HIP1: variants seen among roughly 807,000 people sequenced by gnomAD.
HIP1 encodes the protein huntingtin interacting protein 1, also known as huntingtin-interacting protein 1.
Under a neutral mutation model 147.6 loss-of-function variants are expected in HIP1, and 65 were observed. The ratio of observed to expected loss-of-function variants is 0.44; its 90% CI spans 0.36 to 0.54. The LOEUF (loss-of-function observed/expected upper bound fraction) is 0.54. Ranked by LOEUF, HIP1 falls within the 20% of genes least tolerant of loss-of-function variation. The probability of loss-of-function intolerance (pLI) is 0.00; values close to 1 mark genes in which losing one functional copy is unlikely to be tolerated. For missense variants in HIP1, 1,061 were observed against 1,299.6 expected (o/e 0.82, Z 2.82); for synonymous variants, 479 against 504.0 (o/e 0.95, Z 0.67).
At chr7:75,551,407 G>A (rs1794779336) in intron 22 of HIP1, among the ~76,000 whole-genome samples, 1 of 151,606 alleles carries the variant, frequency 6.6e-6, no homozygotes, top group South Asian at 2.1e-4. Flanking sequence ...TAGAGATGGA[G>A]TTTCACTATA....
chr7:75,566,832 T>C (rs1375722897), intron 9 of HIP1, among the ~76,000 whole-genome samples: 7 of 151,180 alleles, frequency 4.6e-5, no homozygotes, highest in Admixed American at 4.0e-4. Context: ...TAGAAAAGAA[T>C]GGGGAGGGGC....
rs1354431471 is a variant in HIP1, at chr7:75,738,677, G to T, written c.120+124C>A. 4 of 1,200,714 alleles carry T rather than the reference G, an allele frequency of 3.3e-6. No homozygotes were observed. In the East Asian group the frequency reaches 8.2e-5, roughly 24 times the overall value. 74.4% of individuals were successfully genotyped at this position (1,200,714 alleles called of 1,614,324 possible). A position where few individuals can be genotyped will look rare whatever the true frequency, so the allele number is the denominator to read the frequency against. ...CCCAGATCTGCACGTCAATGCCCCC[G>T]CTCACTACACCCTCGCCCCGTCTTC... On this transcript the variant is annotated intron_variant, in intron 1 of 30. Coordinates refer to ENST00000336926, the MANE Select transcript of HIP1 (RefSeq NM_005338.7).
chr7:75,604,174 A>T (rs1245188134), intron 1 of HIP1, among the ~76,000 whole-genome samples: 1 of 151,944 alleles, frequency 6.6e-6, no homozygotes, highest in Non-Finnish European at 1.5e-5. Context: ...CTGCAGACAG[A>T]CCCCTGGGCA....
rs144641513 is a variant in HIP1, at chr7:75,724,434, G to A, written c.120+14367C>T. 5.5e-4 allele frequency among the ~76,000 whole-genome samples: 83 copies of A among 151,728 alleles called. No homozygotes were observed. The East Asian group carries it at 0.016, about 28-fold the overall frequency. Reference sequence around the variant, plus strand: ...GGCTAATTTTTGTATTTTTAGTAGAGACAGAGTTTTGCCATGTTGGCCAGG... The same window carrying A: ...GGCTAATTTTTGTATTTTTAGTAGAAACAGAGTTTTGCCATGTTGGCCAGG... On this transcript the variant is annotated intron_variant, in intron 1 of 30. Transcript: ENST00000336926.
At chr7:75,636,953 C>T (rs1798446520) in intron 1 of HIP1, among the ~76,000 whole-genome samples, 1 of 152,168 alleles carries the variant, frequency 6.6e-6, no homozygotes, top group Non-Finnish European at 1.5e-5. Flanking sequence ...TCTGCCCATC[C>T]TCTTCCTGCG....
In HIP1 at chr7:75,537,038, G is replaced by C. The variant is rs1383823431; in HGVS notation, c.*1134C>G. 1 of 232,576 alleles carries C rather than the reference G, an allele frequency of 4.3e-6. No individual in the cohort carries two copies. The highest frequency in any genetic ancestry group is 6.1e-5 in the East Asian group (1 of 16,490). The allele number at this position is 232,576 out of a possible 1,614,324, so 14.4% of individuals were successfully genotyped here. A position where few individuals can be genotyped will look rare whatever the true frequency, so the allele number is the denominator to read the frequency against. ...CCAAGGCAGACGTCTGCAGAAAGGA[G>C]TTGGGAATCACTCCCACACTCCGTC... On this transcript the variant is annotated 3_prime_UTR_variant, in exon 31 of 31. Coordinates refer to ENST00000336926, the MANE Select transcript of HIP1 (RefSeq NM_005338.7).
At chr7:75,576,109 G>A (rs1795838222) in intron 7 of HIP1, among the ~76,000 whole-genome samples, 1 of 152,120 alleles carries the variant, frequency 6.6e-6, no homozygotes, top group Non-Finnish European at 1.5e-5. Context: ...ATGCCCTTTG[G>A]CATCCAGAAA....
At position 75,556,177 on chromosome 7, in the gene HIP1, G is replaced by T. The variant is rs1162716498; in HGVS notation, c.1684-8C>A. 1.9e-6 allele frequency: 3 copies of T among 1,613,540 alleles called. No homozygotes were observed. Among genetic ancestry groups the T allele is most frequent in the Non-Finnish European group, 2.5e-6 (3 of 1,179,882 alleles). ...TGCCCAGTTTGCTTCTGACTGCAAA[G>T]GTGACCACAAGGAAAGAGGGAGACG... On this transcript the variant is annotated splice_polypyrimidine_tract_variant and splice_region_variant and intron_variant, in intron 17 of 30. Coordinates refer to ENST00000336926, the MANE Select transcript of HIP1 (RefSeq NM_005338.7).
At chr7:75,555,981 G>T in intron 18 of HIP1, 45 bp downstream of exon 18, 1 of 1,607,320 alleles carries the variant, frequency 6.2e-7, no homozygotes, top group African/African-American at 1.3e-5. Flanking sequence ...GAGGCCCTCG[G>T]TGGGAATTCA....
At chr7:75,581,401 G>T in intron 6 of HIP1, 103 bp from the exon 7 acceptor site, 1 of 794,420 alleles carries the variant, frequency 1.3e-6, no homozygotes, top group Non-Finnish European at 2.1e-6. Flanking sequence ...CAATGCTCAT[G>T]TGCATGCGCA....
intron 6 of HIP1, 101 bp from the exon 7 acceptor site, chr7:75,581,399 A>C: frequency 3.7e-6 from 3 of 808,258 alleles, no homozygotes; most frequent in Non-Finnish European, 6.3e-6. Context: ...TCCAATGCTC[A>C]TGTGCATGCG....
rs782136797 is a variant in HIP1, at chr7:75,599,262, G to A, written c.121-15C>T. 1.0e-5 allele frequency: 16 copies of A among 1,599,316 alleles called. No individual in the cohort carries two copies. The highest frequency in any genetic ancestry group is 2.2e-5 in the South Asian group (2 of 90,770). On this transcript the variant is annotated splice_polypyrimidine_tract_variant and intron_variant, in intron 1 of 30. Coordinates refer to ENST00000336926, the MANE Select transcript of HIP1 (RefSeq NM_005338.7). ...ATGCTGACAGTCTGAAAAACAAGAA[G>A]GGGGGAGGGAAAGGAGGATGAGATG...
chr7:75,589,504 G>C (rs1796407680), intron 4 of HIP1, among the ~76,000 whole-genome samples: 2 of 151,568 alleles, frequency 1.3e-5, no homozygotes, highest in Non-Finnish European at 2.9e-5. Flanking sequence ...GGCCAACATG[G>C]CAAAACCGTG....
At chr7:75,573,135 G>T (rs1031488084) in intron 8 of HIP1, among the ~76,000 whole-genome samples, 4 of 152,208 alleles carry the variant, frequency 2.6e-5, no homozygotes, top group African/African-American at 9.6e-5. Context: ...CAATCGTGGT[G>T]CATTTCCTCC....
intron 11 of HIP1, 69 bp from the exon 12 acceptor site, chr7:75,562,239 G>A: frequency 1.0e-6 from 1 of 999,120 alleles, no homozygotes; most frequent in East Asian, 2.4e-5. Flanking sequence ...GGTCAGTTGA[G>A]TGATATGGGA....
chr7:75,564,723 T>G (rs1317632756), intron 9 of HIP1, among the ~76,000 whole-genome samples: 1 of 151,532 alleles, frequency 6.6e-6, no homozygotes, highest in Non-Finnish European at 1.5e-5. Flanking sequence ...AGCCTCCAAG[T>G]AGCTGGGAGT....
At chr7:75,611,672 A>T in intron 1 of HIP1, 1 of 1,023,586 alleles carries the variant, frequency 9.8e-7, no homozygotes. Context: ...TCACCTCTGG[A>T]GGGGGCTCTG....
At chr7:75,733,626 G>C (rs1434744755) in intron 1 of HIP1, 1 of 154,058 alleles carries the variant, frequency 6.5e-6, no homozygotes, top group Non-Finnish European at 1.4e-5. Flanking sequence ...GTGCAGGAGA[G>C]TTGAGGAGGC....
chr7:75,713,682 G>A lies in HIP1; in HGVS notation c.120+25119C>T, dbSNP rs989892566. ...AAAGCACATTCACTTAGCCCTAAGG[G>A]TTTGCTGAGTGACATGCCATTTTTT... On this transcript the variant is annotated intron_variant, in intron 1 of 30. Transcript: ENST00000336926. Among the ~76,000 whole-genome samples the A allele has an allele frequency of 2.7e-5, 4 of 149,934 alleles. No homozygotes were observed. The South Asian group carries it at 8.4e-4, about 32-fold the overall frequency.
Sources: gnomAD v4.1 joint callset for allele counts (sites outside exome capture counted in the v4.1 genomes callset) on GRCh38, gnomAD v4.1.1 for gene constraint, MANE v1.5 for transcripts, NCBI Gene and HGNC (gene_info 2026-07-23, HGNC 2026-07-21) for gene names.